Variants in PDE11A observed in about 807,000 individuals in gnomAD.
PDE11A encodes phosphodiesterase 11A.
In PDE11A, 100 loss-of-function variants were observed where a neutral mutation model predicts 100.5. The ratio of observed to expected loss-of-function variants is 1.00; its 90% CI spans 0.85 to 1.18. PDE11A has a LOEUF of 1.18. Ranked by LOEUF, PDE11A falls within the 50% of genes most tolerant of loss-of-function variation. PDE11A has a pLI of 0.00. For missense variants in PDE11A, 1,141 were observed against 1,152.6 expected (o/e 0.99, Z 0.15); for synonymous variants, 381 against 420.8 (o/e 0.91, Z 1.16).
intron 2 of PDE11A, among the ~76,000 whole-genome samples, chr2:178,094,805 G>A (rs533391228): frequency 2.0e-5 from 3 of 152,128 alleles, no homozygotes; most frequent in Non-Finnish European, 4.4e-5. Context: ...AAGGTGAAGA[G>A]GAAGCAAGCA....
At chr2:178,024,458 A>C in intron 1 of PDE11A, among the ~76,000 whole-genome samples, 1 of 152,322 alleles carries the variant, frequency 6.6e-6, no homozygotes, top group Non-Finnish European at 1.5e-5. Context: ...TGGGGTCTGA[A>C]GACAACAGGT....
At chr2:177,785,568 C>T (rs1040794165) in intron 9 of PDE11A, among the ~76,000 whole-genome samples, 5 of 152,086 alleles carry the variant, frequency 3.3e-5, no homozygotes, top group African/African-American at 7.2e-5. Flanking sequence ...ATGCATGAGC[C>T]GAAGTAGGGC....
chr2:177,951,617 T>A (rs187781557), intron 2 of PDE11A, among the ~76,000 whole-genome samples: 1 of 152,184 alleles, frequency 6.6e-6, no homozygotes. Flanking sequence ...GTATCAGCAT[T>A]TGTGAAGGTT....
chr2:178,077,174 G>T (rs747348987), upstream of PDE11A, among the ~76,000 whole-genome samples: 9 of 151,806 alleles, frequency 5.9e-5, no homozygotes, highest in Non-Finnish European at 1.2e-4. Context: ...CACAGGTGTG[G>T]TTCACTGGGA....
intron 2 of PDE11A, among the ~76,000 whole-genome samples, chr2:177,942,145 C>A (rs1285544469): frequency 1.3e-5 from 2 of 152,330 alleles, no homozygotes; most frequent in East Asian, 3.9e-4. Flanking sequence ...GGCTTTGCAG[C>A]CAGATTGCTG....
chr2:177,658,491 C>T (rs2080424318), intron 19 of PDE11A, among the ~76,000 whole-genome samples: 1 of 151,418 alleles, frequency 6.6e-6, no homozygotes, highest in African/African-American at 2.4e-5. Context: ...CCCCTCTCCT[C>T]TCCTCTTCTT....
chr2:177,957,263 C>CA (rs1408070468), intron 2 of PDE11A, among the ~76,000 whole-genome samples: 4 of 151,800 alleles, frequency 2.6e-5, no homozygotes, highest in African/African-American at 4.8e-5. Flanking sequence ...TTTTTCCCAA[C>CA]AAAAAAGGAT....
At position 177,669,693 on chromosome 2, in the gene PDE11A, A is replaced by G. The variant is rs1025299234; in HGVS notation, c.2488-126T>C. 5.7e-6 allele frequency: 4 copies of G among 704,812 alleles called. No individual in the cohort carries two copies. The African/African-American group carries it at 7.0e-5, about 12-fold the overall frequency. The allele number at this position is 704,812 out of a possible 1,614,324, so 43.7% of individuals were successfully genotyped here. On this transcript the variant is annotated intron_variant, in intron 17 of 19. Transcript: ENST00000286063. The stretch of plus-strand genomic sequence containing the variant: ...TCATTTAAAAAGCTTATGAGGAAGT[A>G]AGTATATTAACCTTTCATGTTTGAA...
At chr2:178,060,395 A>G (rs1355703995) in intron 1 of PDE11A, among the ~76,000 whole-genome samples, 1 of 152,192 alleles carries the variant, frequency 6.6e-6, no homozygotes, top group Non-Finnish European at 1.5e-5. Flanking sequence ...TACCTCTATC[A>G]ATGTTTTGGC....
chr2:177,682,350 G>A lies in PDE11A; in HGVS notation c.2346-1447C>T, dbSNP rs181883643. Reference sequence around the variant, plus strand: ...TATAAAACCAAGCTGTAGCCCAGCCGCCTTGGGCCTATGTTCTCAGGACTT... The same window carrying A: ...TATAAAACCAAGCTGTAGCCCAGCCACCTTGGGCCTATGTTCTCAGGACTT... On this transcript the variant is annotated intron_variant, in intron 15 of 19. Coordinates refer to ENST00000286063, the MANE Select transcript of PDE11A (RefSeq NM_016953.4). Among the ~76,000 whole-genome samples the A allele has an allele frequency of 1.2e-3, 190 of 152,264 alleles. 1 individual carries two copies. The highest frequency in any genetic ancestry group is 4.3e-3 in the African/African-American group (177 of 41,550).
At position 177,782,166 on chromosome 2, in the gene PDE11A, T is replaced by C. The variant is rs576334985; in HGVS notation, c.1738-12793A>G. ...CTCTAAATATTGGTACCTGTGCCCTTGCCAGAGGATAACATATCTTGTATT... is the reference window on the plus strand; with the variant it reads ...CTCTAAATATTGGTACCTGTGCCCTCGCCAGAGGATAACATATCTTGTATT... On this transcript the variant is annotated intron_variant, in intron 9 of 19. Transcript: ENST00000286063. Among the ~76,000 whole-genome samples the C allele has an allele frequency of 2.0e-5, 3 of 152,332 alleles. No individual in the cohort carries two copies. The East Asian group carries it at 5.8e-4, about 29-fold the overall frequency.
intron 2 of PDE11A, among the ~76,000 whole-genome samples, chr2:177,949,945 TATTA>T (rs1242800596): frequency 6.6e-6 from 1 of 152,222 alleles, no homozygotes; most frequent in Non-Finnish European, 1.5e-5. Flanking sequence ...CCTCTTTTCA[TATTA>T]ATTCTGGAAT....
At chr2:177,929,144 C>T (rs369904500) in intron 2 of PDE11A, among the ~76,000 whole-genome samples, 88 of 151,518 alleles carry the variant, frequency 5.8e-4, no homozygotes, top group African/African-American at 2.0e-3. Context: ...GGTTCTCTCA[C>T]AGTCATCCAA....
At chr2:177,935,707 C>T (rs762576520) in intron 2 of PDE11A, among the ~76,000 whole-genome samples, 2 of 152,156 alleles carry the variant, frequency 1.3e-5, no homozygotes, top group African/African-American at 4.8e-5. Context: ...CAGGGGCATG[C>T]CATGGAAGGA....
intron 2 of PDE11A, among the ~76,000 whole-genome samples, chr2:177,966,651 C>G (rs1235497316): frequency 6.6e-6 from 1 of 151,998 alleles, no homozygotes; most frequent in East Asian, 1.9e-4. Flanking sequence ...TGTGATGAAT[C>G]ACATTTATTG....
rs117574608 is a variant in PDE11A at position 177,696,230 on chromosome 2, G to T, written c.2345+1102C>A. Among the ~76,000 whole-genome samples, 494 of 152,272 alleles carry T rather than the reference G, an allele frequency of 3.2e-3. 4 individuals are homozygous for T. The East Asian group carries it at 0.044, about 14-fold the overall frequency. On this transcript the variant is annotated intron_variant, in intron 15 of 19. Transcript: ENST00000286063. ...GAGGTCTACAGTGTGAGGAAGTTTG[G>T]AGTGAAGAATTTCAGAGTCTTCTAC...
chr2:177,989,788 T>C (rs1403391039), intron 2 of PDE11A, among the ~76,000 whole-genome samples: 1 of 151,924 alleles, frequency 6.6e-6, no homozygotes, highest in African/African-American at 2.4e-5. Flanking sequence ...CACATTCTGG[T>C]CAAGACAAAA....
chr2:177,995,646 A>ACCCCCCCC (rs3067378), intron 2 of PDE11A, among the ~76,000 whole-genome samples: 7 of 147,684 alleles, frequency 4.7e-5, no homozygotes, highest in East Asian at 2.0e-4. Context: ...CACAAACACC[A>ACCCCCCCC]CCCACCCCGC....
At chr2:178,098,231 A>C (rs2087519595) in intron 2 of PDE11A, among the ~76,000 whole-genome samples, 1 of 152,232 alleles carries the variant, frequency 6.6e-6, no homozygotes. Flanking sequence ...GCTGTATTTA[A>C]ACATCCAAAA....
Sources: allele counts gnomAD v4.1 joint callset (sites outside exome capture counted in the v4.1 genomes callset), GRCh38; gene constraint gnomAD v4.1.1; transcripts MANE v1.5; gene names NCBI Gene and HGNC (gene_info 2026-07-23, HGNC 2026-07-21).